The following XXYLT1 variants were observed in gnomAD, a reference collection of about 807,000 sequenced individuals.
XXYLT1 encodes the protein xyloside xylosyltransferase 1.
Under a neutral mutation model 28.9 loss-of-function variants are expected in XXYLT1, and 20 were observed. The observed-to-expected ratio is 0.69, with a 90% confidence interval of 0.49 to 1.00. The LOEUF is 1.00. Among genes scored for constraint, XXYLT1 ranks in the 50% least tolerant of loss-of-function variants. The probability of loss-of-function intolerance (pLI) is 0.00; values close to 1 mark genes in which losing one functional copy is unlikely to be tolerated. For missense variants in XXYLT1, 542 were observed against 560.1 expected (o/e 0.97, Z 0.33); for synonymous variants, 257 against 253.8 (o/e 1.01, Z -0.12).
intron 3 of XXYLT1, among the ~76,000 whole-genome samples, chr3:195,071,617 GCTT>G (rs1409508317): frequency 5.3e-5 from 8 of 152,138 alleles, no homozygotes; most frequent in African/African-American, 1.9e-4. Flanking sequence ...GCAAAAATAA[GCTT>G]CTCAAGCAAA....
intron 2 of XXYLT1, among the ~76,000 whole-genome samples, chr3:195,211,688 T>A (rs954808726): frequency 1.3e-5 from 2 of 152,140 alleles, no homozygotes; most frequent in African/African-American, 4.8e-5. Context: ...ATAAGAACTA[T>A]GAAGAGAAAG....
intron 2 of XXYLT1, among the ~76,000 whole-genome samples, chr3:195,212,745 C>T (rs1453830113): frequency 6.6e-6 from 1 of 152,160 alleles, no homozygotes; most frequent in Non-Finnish European, 1.5e-5. Flanking sequence ...CAGCCCCCAA[C>T]CACCCCTCGG....
chr3:195,262,323 C>T lies in XXYLT1; in HGVS notation c.504+8232G>A, dbSNP rs188542178. ...CAAGCTGATTTGTAGTCTCTAGGGGCAGGGGAGACAGGAGGACGGAGGGTG... is the reference window on the plus strand; with the variant it reads ...CAAGCTGATTTGTAGTCTCTAGGGGTAGGGGAGACAGGAGGACGGAGGGTG... On this transcript the variant is annotated intron_variant, in intron 1 of 3. Transcript: ENST00000310380. Among the ~76,000 whole-genome samples the T allele has an allele frequency of 4.9e-4, 75 of 152,106 alleles. 1 individual carries two copies. Among genetic ancestry groups the T allele is most frequent in the Admixed American group, 4.1e-3 (63 of 15,280 alleles).
rs1577179399 is a variant in XXYLT1, at chr3:195,234,560, C to T, written c.505-7704G>A. ...TCTTGAACTCCTGACCTCAAGTGAT[C>T]CACCTGCCTCAGCCTCCCAAAGTGC... On this transcript the variant is annotated intron_variant, in intron 1 of 3. Coordinates refer to ENST00000310380, the MANE Select transcript of XXYLT1 (RefSeq NM_152531.5). 2.0e-5 allele frequency among the ~76,000 whole-genome samples: 3 copies of T among 152,050 alleles called. 1 individual carries two copies. In the East Asian group the frequency reaches 5.8e-4, roughly 30 times the overall value.
chr3:195,258,716 G>C (rs760962691), intron 1 of XXYLT1, among the ~76,000 whole-genome samples: 1 of 152,238 alleles, frequency 6.6e-6, no homozygotes, highest in South Asian at 2.1e-4. Flanking sequence ...GCAGGAAAGA[G>C]AAAGTGTGGA....
At chr3:195,101,295 G>A (rs990495535) in intron 3 of XXYLT1, among the ~76,000 whole-genome samples, 1 of 152,244 alleles carries the variant, frequency 6.6e-6, no homozygotes, top group African/African-American at 2.4e-5. Context: ...ATTAAACACT[G>A]TACCCCCACT....
At chr3:195,071,455 C>T (rs1390235658) in intron 3 of XXYLT1, among the ~76,000 whole-genome samples, 1 of 152,218 alleles carries the variant, frequency 6.6e-6, no homozygotes, top group Non-Finnish European at 1.5e-5. Flanking sequence ...TCCTCAAGGT[C>T]TCACGTATCA....
rs116005860 is a variant in XXYLT1, at chr3:195,128,242, C to T, written c.785+28207G>A. Among the ~76,000 whole-genome samples the T allele has an allele frequency of 7.4e-3, 1,121 of 152,280 alleles. 15 individuals carry two copies. The highest frequency in any genetic ancestry group is 0.025 in the African/African-American group (1,040 of 41,552). ...CCCAGGGAGGCAAATGACTGACAAA[C>T]GCCTGCACATCCCTTCCTACCTGAC... On this transcript the variant is annotated intron_variant, in intron 3 of 3. Transcript: ENST00000310380.
At chr3:195,253,580 C>G (rs895589446) in intron 1 of XXYLT1, among the ~76,000 whole-genome samples, 4 of 148,170 alleles carry the variant, frequency 2.7e-5, no homozygotes, top group Non-Finnish European at 5.9e-5. Flanking sequence ...TTCACTGCAA[C>G]CTCCGCCTCC....
intron 2 of XXYLT1, among the ~76,000 whole-genome samples, chr3:195,161,955 G>T (rs1720894444): frequency 6.6e-6 from 1 of 152,042 alleles, no homozygotes; most frequent in South Asian, 2.1e-4. Flanking sequence ...TGGGTGCAGT[G>T]GCTGATGCCT....
intron 1 of XXYLT1, among the ~76,000 whole-genome samples, chr3:195,249,394 T>C (rs1339619456): frequency 1.3e-5 from 2 of 152,114 alleles, no homozygotes; most frequent in Non-Finnish European, 2.9e-5. Context: ...CAGCACACAA[T>C]GGCCACGCGG....
chr3:195,161,032 T>G (rs369784631), intron 2 of XXYLT1, among the ~76,000 whole-genome samples: 10 of 152,322 alleles, frequency 6.6e-5, no homozygotes, highest in African/African-American at 2.4e-4. Context: ...GTCCTGCGCC[T>G]TGGCCACAGA....
chr3:195,244,674 A>T (rs1461010015), intron 1 of XXYLT1, among the ~76,000 whole-genome samples: 3 of 145,804 alleles, frequency 2.1e-5, no homozygotes, highest in Admixed American at 1.4e-4. Context: ...AGGCAGGAAA[A>T]TGGCGTGAAC....
Position 195,078,045 on chromosome 3 carries a change from C to G in XXYLT1, c.786-7934G>C, listed in dbSNP as rs767963047. Among the ~76,000 whole-genome samples, 76 of 152,136 alleles carry G rather than the reference C, an allele frequency of 5.0e-4. No homozygotes were observed. The highest frequency in any genetic ancestry group is 9.4e-4 in the Non-Finnish European group (64 of 68,012). On this transcript the variant is annotated intron_variant, in intron 3 of 3. Coordinates refer to ENST00000310380, the MANE Select transcript of XXYLT1 (RefSeq NM_152531.5). This position sits in a 1 kb window ranked among gnomAD's most constrained non-coding sequence, Gnocchi z 5.0. ...AGGGACAGAGATGAGGGGGAAGAGG[C>G]AGTGGAGGGGCTTTAAGCCTGGATC...
At chr3:195,187,619 C>T (rs997110273) in intron 2 of XXYLT1, among the ~76,000 whole-genome samples, 2 of 152,198 alleles carry the variant, frequency 1.3e-5, no homozygotes, top group Non-Finnish European at 2.9e-5. Context: ...TGGGATTCCA[C>T]CCCTGGACAT....
intron 3 of XXYLT1, among the ~76,000 whole-genome samples, chr3:195,118,955 T>G (rs1412348236): frequency 6.6e-6 from 1 of 152,188 alleles, no homozygotes; most frequent in Non-Finnish European, 1.5e-5. Context: ...GTCACCTCTC[T>G]GCTTTGAGCC....
rs1718517008 is a variant in XXYLT1, at chr3:195,124,499, G to A, written c.785+31950C>T. 1.3e-5 allele frequency among the ~76,000 whole-genome samples: 2 copies of A among 152,184 alleles called. No individual in the cohort carries two copies. The highest frequency in any genetic ancestry group is 4.1e-4 in the South Asian group (2 of 4,830). On this transcript the variant is annotated intron_variant, in intron 3 of 3. Coordinates refer to ENST00000310380, the MANE Select transcript of XXYLT1 (RefSeq NM_152531.5). The surrounding 1 kb of genome is among the most constrained non-coding windows in gnomAD (Gnocchi z 4.1). The stretch of plus-strand genomic sequence containing the variant: ...GTTTTCCCCTGATAATTTGTCTAGT[G>A]TTTCTAGGCCTCCCCCTCTAGACTG...
At position 195,270,879 on chromosome 3, in the gene XXYLT1, G is replaced by A. The variant is rs1293735282; in HGVS notation, c.180C>T (p.Ala60=). Residue 60 remains alanine (A), a synonymous_variant, in exon 1 of 4, where the codon GCC becomes GCT. Coordinates refer to ENST00000310380, the MANE Select transcript of XXYLT1 (RefSeq NM_152531.5). ...GCGGCGAGGGCGCGGCGGGAGCCCC[G>A]GCGCGGGCCTCCTTCAGCCTCTTGG... The part of the protein sequence containing the change: ...SATKRLKEAR[A]GAPAAPSPPA... The A allele has an allele frequency of 2.1e-6, 3 of 1,417,736 alleles. No individual in the cohort carries two copies. Among genetic ancestry groups the A allele is most frequent in the South Asian group, 1.5e-5 (1 of 68,568 alleles). 87.8% of individuals were successfully genotyped at this position (1,417,736 alleles called of 1,614,324 possible). A position where few individuals can be genotyped will look rare whatever the true frequency, so the allele number is the denominator to read the frequency against.
rs912324002 is a variant in XXYLT1, at chr3:195,266,736, C to T, written c.504+3819G>A. ...ACTCCTGGATTTCTTACAGCAGTGA[C>T]GCCCAAGCCTGCCTCTGTAACTCCA... On this transcript the variant is annotated intron_variant, in intron 1 of 3. Coordinates refer to ENST00000310380, the MANE Select transcript of XXYLT1 (RefSeq NM_152531.5). Among the ~76,000 whole-genome samples the T allele has an allele frequency of 2.6e-5, 4 of 152,312 alleles. No individual in the cohort carries two copies. In the East Asian group the frequency reaches 7.7e-4, roughly 29 times the overall value.
Sources: allele counts gnomAD v4.1 joint callset (sites outside exome capture counted in the v4.1 genomes callset), GRCh38; gene constraint gnomAD v4.1.1; non-coding constraint Gnocchi (gnomAD v3.1); transcripts MANE v1.5; gene names NCBI Gene and HGNC (gene_info 2026-07-23, HGNC 2026-07-21).